Variants in METTL16 observed in about 807,000 individuals in gnomAD.
METTL16 encodes the protein RNA N(6)-adenosine-methyltransferase METTL16.
A neutral mutation model predicts 57.9 loss-of-function variants in METTL16; 19 were observed. The observed-to-expected ratio is 0.33, with a 90% CI of 0.23 to 0.48. The LOEUF is 0.48. METTL16 is among the 20% of genes least tolerant of loss of function. The probability of loss-of-function intolerance (pLI) is 0.99; values close to 1 mark genes in which losing one functional copy is unlikely to be tolerated. For missense variants in METTL16, 434 were observed against 691.5 expected (o/e 0.63, Z 4.18); for synonymous variants, 246 against 255.6 (o/e 0.96, Z 0.36).
At chr17:2,507,501 G>GT (rs1723003628) in intron 1 of METTL16, among the ~76,000 whole-genome samples, 1 of 147,940 alleles carries the variant, frequency 6.8e-6, no homozygotes, top group Non-Finnish European at 1.5e-5. Flanking sequence ...CGGGAGGGAG[G>GT]TGGGGGGGTC....
At chr17:2,506,547 C>A (rs1478831365) in intron 1 of METTL16, among the ~76,000 whole-genome samples, 90 of 150,622 alleles carry the variant, frequency 6.0e-4, no homozygotes, top group African/African-American at 2.2e-3. Flanking sequence ...CTCGGCCTCC[C>A]AAGGTGCCGG....
chr17:2,506,046 C>T (rs1597476170), intron 1 of METTL16, among the ~76,000 whole-genome samples: 1 of 152,064 alleles, frequency 6.6e-6, no homozygotes, highest in Non-Finnish European at 1.5e-5. Context: ...TGGCTCACTG[C>T]AACGTCTGCC....
intron 6 of METTL16, among the ~76,000 whole-genome samples, chr17:2,457,337 CAAAAAAA>C (rs57968051): frequency 4.7e-5 from 2 of 42,614 alleles, no homozygotes; most frequent in Admixed American, 5.8e-4. Context: ...GACTCCGTCT[CAAAAAAA>C]AAAAAAAAAA....
At chr17:2,491,769 G>A (rs6502292) in intron 2 of METTL16, among the ~76,000 whole-genome samples, 8,819 of 149,546 alleles carry the variant, frequency 0.059, 707 homozygotes, top group African/African-American at 0.17. Flanking sequence ...CAGCTACTCC[G>A]GAGGCTGAGG....
intron 3 of METTL16, among the ~76,000 whole-genome samples, 160 bp from the exon 4 acceptor site, chr17:2,473,824 A>G (rs9893259): frequency 0.36 from 54,963 of 151,988 alleles, 13,204 homozygotes; most frequent in African/African-American, 0.68. Flanking sequence ...CTGCAGCCTC[A>G]ACTTTCTGGG....
intron 8 of METTL16, among the ~76,000 whole-genome samples, chr17:2,431,206 C>T (rs922802966): frequency 4.6e-5 from 7 of 152,106 alleles, no homozygotes; most frequent in African/African-American, 1.7e-4. Context: ...CTCTGCCTCC[C>T]AAAATGCTAG....
At chr17:2,484,297 T>C (rs1567901436) in intron 2 of METTL16, among the ~76,000 whole-genome samples, 3 of 152,172 alleles carry the variant, frequency 2.0e-5, no homozygotes, top group Admixed American at 6.6e-5. Flanking sequence ...AAAGAGCTTG[T>C]GCCAGAATGT....
intron 8 of METTL16, among the ~76,000 whole-genome samples, chr17:2,423,262 GT>G (rs1302613131): frequency 0.053 from 325 of 6,154 alleles, no homozygotes; most frequent in African/African-American, 0.34. Context: ...AAAACAAAGG[GT>G]GTGTGTGTGT....
chr17:2,504,497 T>C (rs182888100), intron 1 of METTL16, among the ~76,000 whole-genome samples: 4 of 152,182 alleles, frequency 2.6e-5, no homozygotes, highest in Admixed American at 2.0e-4. Context: ...CAGAACACAG[T>C]CTGTATATAT....
At chr17:2,509,285 T>C (rs1212869067) in intron 1 of METTL16, among the ~76,000 whole-genome samples, 2 of 152,208 alleles carry the variant, frequency 1.3e-5, no homozygotes, top group African/African-American at 4.8e-5. Context: ...TGAAAGTTTT[T>C]CAGCATACTG....
intron 2 of METTL16, among the ~76,000 whole-genome samples, chr17:2,491,583 A>T (rs1006265906): frequency 3.3e-5 from 5 of 152,150 alleles, no homozygotes; most frequent in African/African-American, 4.8e-5. Context: ...TGGTTTAAAA[A>T]CAAATCAGTT....
intron 5 of METTL16, among the ~76,000 whole-genome samples, chr17:2,465,546 CAAAAAAA>C (rs547864019): frequency 8.9e-3 from 217 of 24,500 alleles, no homozygotes; most frequent in Middle Eastern, 0.05. Context: ...GACTCCATCT[CAAAAAAA>C]AAAAAAAAAA....
At chr17:2,471,060 C>T (rs992501762) in intron 4 of METTL16, among the ~76,000 whole-genome samples, 1 of 152,198 alleles carries the variant, frequency 6.6e-6, no homozygotes, top group Non-Finnish European at 1.5e-5. Context: ...AGAACTGATA[C>T]TGGCACATCA....
chr17:2,420,920 A>G lies in METTL16; in HGVS notation c.889-16T>C. ...TTGGTGGTGACTGCAAGAAAAAGGA[A>G]GCATAGAAAAGAGAAGAAAGTTATC... On this transcript the variant is annotated splice_polypyrimidine_tract_variant and intron_variant, in intron 8 of 9. Transcript: ENST00000263092. This position sits in a 1 kb window ranked among gnomAD's most constrained non-coding sequence, Gnocchi z 5.4. 1.2e-6 allele frequency: 2 copies of G among 1,605,756 alleles called. No homozygotes were observed. The highest frequency in any genetic ancestry group is 2.2e-5 in the South Asian group (2 of 89,722).
At chr17:2,496,829 G>T (rs2067449401) in intron 2 of METTL16, among the ~76,000 whole-genome samples, 1 of 151,484 alleles carries the variant, frequency 6.6e-6, no homozygotes, top group Non-Finnish European at 1.5e-5. Context: ...GCAGAAGTGG[G>T]TTTGCCCCCT....
intron 1 of METTL16, among the ~76,000 whole-genome samples, chr17:2,506,680 G>C (rs942919502): frequency 6.6e-6 from 1 of 152,140 alleles, no homozygotes; most frequent in African/African-American, 2.4e-5. Flanking sequence ...GCAAAGTGCC[G>C]AGATTGCAGC....
intron 6 of METTL16, among the ~76,000 whole-genome samples, chr17:2,447,200 C>T (rs1440606275): frequency 1.4e-5 from 2 of 145,746 alleles, no homozygotes; most frequent in South Asian, 4.5e-4. Context: ...GGCCGCCCAT[C>T]GTCTGAGATG....
chr17:2,446,763 G>T lies in METTL16; in HGVS notation c.729-5204C>A, dbSNP rs570491331. On this transcript the variant is annotated intron_variant, in intron 6 of 9. Coordinates refer to ENST00000263092, the MANE Select transcript of METTL16 (RefSeq NM_024086.4). ...CCTCACTGGTTCTCGTTTTTTTTTT[G>T]GTGGAGACGGGGTTTTGCTGTGTTG... Among the ~76,000 whole-genome samples the T allele has an allele frequency of 2.5e-4, 37 of 150,862 alleles. 1 individual carries two copies. In the East Asian group the frequency reaches 5.0e-3, roughly 21 times the overall value.
chr17:2,498,781 C>A (rs1379915694), intron 2 of METTL16, among the ~76,000 whole-genome samples: 1 of 151,452 alleles, frequency 6.6e-6, no homozygotes, highest in Admixed American at 6.6e-5. Context: ...TGGGGATGGG[C>A]AAGGCACAAG....
Sources: allele counts gnomAD v4.1 joint callset (sites outside exome capture counted in the v4.1 genomes callset), GRCh38; gene constraint gnomAD v4.1.1; non-coding constraint Gnocchi (gnomAD v3.1); transcripts MANE v1.5; gene names NCBI Gene and HGNC (gene_info 2026-07-23, HGNC 2026-07-21).